The following ASCC3 variants were observed in gnomAD, a reference collection of about 807,000 sequenced individuals.
The protein encoded by ASCC3 is ASC-1 complex subunit P200.
In ASCC3, 158 loss-of-function variants were observed where a neutral mutation model predicts 256.3. The ratio of observed to expected loss-of-function variants is 0.62; its 90% CI spans 0.54 to 0.70. The LOEUF is 0.70. ASCC3 is among the 30% of genes least tolerant of loss of function. The pLI, the probability that ASCC3 is intolerant of heterozygous loss-of-function variation, is 0.00. For missense variants in ASCC3, 2,259 were observed against 2,626.0 expected (o/e 0.86, Z 3.05); for synonymous variants, 948 against 883.4 (o/e 1.07, Z -1.30).
rs74708587 is a variant in ASCC3, at chr6:100,813,226, C to T, written c.802-7346G>A. Among the ~76,000 whole-genome samples, 1,936 of 152,104 alleles carry T rather than the reference C, an allele frequency of 0.013. 100 individuals carry two copies. In the East Asian group the frequency reaches 0.15, roughly 12 times the overall value. On this transcript the variant is annotated intron_variant, in intron 4 of 41. Coordinates refer to ENST00000369162, the MANE Select transcript of ASCC3 (RefSeq NM_006828.4). ...ATCCCAGCACTTTGGGAGGCCGAAG[C>T]GGGAGGACTACCTGAGTTCAGCAGT...
chr6:100,662,081 T>A (rs1380672940), intron 15 of ASCC3, 51 bp from the exon 16 acceptor site: 1 of 1,531,982 alleles, frequency 6.5e-7, no homozygotes, highest in South Asian at 1.1e-5. Flanking sequence ...ACAAATATAA[T>A]CCTGATGAAC....
intron 4 of ASCC3, among the ~76,000 whole-genome samples, chr6:100,843,381 C>A (rs1351674307): frequency 6.6e-6 from 1 of 152,098 alleles, no homozygotes; most frequent in Admixed American, 6.6e-5. Context: ...AGAGATAATA[C>A]TAACGGCAAA....
intron 37 of ASCC3, among the ~76,000 whole-genome samples, chr6:100,526,994 A>G (rs1774608728): frequency 6.6e-6 from 1 of 152,220 alleles, no homozygotes; most frequent in Admixed American, 6.5e-5. Flanking sequence ...CAAACAAAAA[A>G]TCTCTTTTTC....
chr6:100,514,612 A>C (rs1243812810), intron 39 of ASCC3, among the ~76,000 whole-genome samples: 1 of 149,406 alleles, frequency 6.7e-6, no homozygotes, highest in Non-Finnish European at 1.5e-5. Flanking sequence ...TTTATTGGAT[A>C]TATATATATA....
At chr6:100,671,520 G>T (rs1443042015) in intron 14 of ASCC3, among the ~76,000 whole-genome samples, 3 of 152,020 alleles carry the variant, frequency 2.0e-5, no homozygotes, top group Non-Finnish European at 4.4e-5. Flanking sequence ...AAAGGTAAAG[G>T]AAGTAAGGTA....
chr6:100,723,487 T>C (rs1437345688), intron 11 of ASCC3, among the ~76,000 whole-genome samples: 2 of 151,756 alleles, frequency 1.3e-5, no homozygotes, highest in Non-Finnish European at 2.9e-5. Context: ...CATTAATCCA[T>C]CTAGAATTTT....
At chr6:100,844,642 G>T (rs1772304881) in intron 4 of ASCC3, among the ~76,000 whole-genome samples, 1 of 152,088 alleles carries the variant, frequency 6.6e-6, no homozygotes, top group Non-Finnish European at 1.5e-5. Context: ...GAACCTTAAA[G>T]ATTTCTAGCC....
intron 14 of ASCC3, among the ~76,000 whole-genome samples, chr6:100,667,986 C>T (rs1776566662): frequency 6.6e-6 from 1 of 151,784 alleles, no homozygotes; most frequent in South Asian, 2.1e-4. Flanking sequence ...AGAAAAAAAT[C>T]AAACAAAAAT....
chr6:100,770,793 C>G (rs1781881710), intron 8 of ASCC3, among the ~76,000 whole-genome samples: 1 of 150,334 alleles, frequency 6.7e-6, no homozygotes, highest in Non-Finnish European at 1.5e-5. Flanking sequence ...GACCTGTACA[C>G]TGAAAAATAT....
In ASCC3 at chr6:100,638,618, T is replaced by G; in HGVS notation, c.4105A>C (p.Lys1369Gln). 6.2e-7 allele frequency: 1 copy of G among 1,612,248 alleles called. No individual in the cohort carries two copies. The highest frequency in any genetic ancestry group is 1.1e-5 in the South Asian group (1 of 91,030). ...CAACAGACCTTTGAAGTAGGGTATT[T>G]GTTGAAGACTCTGAAAATGGCTAAT... ...AELAIFRVFNKYPTSKAVYIA... is the reference protein window; with the variant it reads ...AELAIFRVFNQYPTSKAVYIA... Residue 1369 changes from lysine (K) to glutamine (Q), a missense_variant, in exon 25 of 42, where the codon AAA becomes CAA. Transcript: ENST00000369162.
At position 100,521,239 on chromosome 6, in the gene ASCC3, G is replaced by T. The variant is rs555958695; in HGVS notation, c.5776-3097C>A. On this transcript the variant is annotated intron_variant, in intron 37 of 41. Coordinates refer to ENST00000369162, the MANE Select transcript of ASCC3 (RefSeq NM_006828.4). ...AACTTTACTTAATAATGGCTCTGAC[G>T]TATAAGAGTAGTGATGCTGGTAATT... Among the ~76,000 whole-genome samples, 35 of 152,014 alleles carry T rather than the reference G, an allele frequency of 2.3e-4. No homozygotes were observed. The South Asian group carries it at 6.6e-3, about 29-fold the overall frequency.
chr6:100,553,624 A>T (rs1238091675), intron 36 of ASCC3, among the ~76,000 whole-genome samples: 2 of 152,068 alleles, frequency 1.3e-5, no homozygotes, highest in African/African-American at 2.4e-5. Flanking sequence ...TCCCCTGCAA[A>T]TGTTAAATGA....
intron 30 of ASCC3, among the ~76,000 whole-genome samples, chr6:100,620,699 T>C (rs1288878374): frequency 1.3e-5 from 2 of 152,152 alleles, no homozygotes; most frequent in African/African-American, 2.4e-5. Context: ...TTCCTCTGAA[T>C]GCTCAAGTTG....
rs1772473959 is a variant in ASCC3 at position 100,848,144 on chromosome 6, A to G, written c.801+4T>C. On this transcript the variant is annotated splice_donor_region_variant and intron_variant, in intron 4 of 41. Coordinates refer to ENST00000369162, the MANE Select transcript of ASCC3 (RefSeq NM_006828.4). ...TATAAAAAAATAAATCATTTCAACT[A>G]TACCTCATCCTGAAGTTCATCACCA... The G allele has an allele frequency of 1.9e-6, 3 of 1,580,322 alleles. No homozygotes were observed. Among genetic ancestry groups the G allele is most frequent in the East Asian group, 2.2e-5 (1 of 44,628 alleles).
chr6:100,777,809 T>C (rs1260383368), intron 8 of ASCC3, among the ~76,000 whole-genome samples: 1 of 152,084 alleles, frequency 6.6e-6, no homozygotes, highest in Non-Finnish European at 1.5e-5. Context: ...ACAGGAATTG[T>C]AGGTAGGTCA....
intron 14 of ASCC3, among the ~76,000 whole-genome samples, chr6:100,669,325 C>CTA (rs535657018): frequency 0.023 from 3,475 of 148,892 alleles, 105 homozygotes; most frequent in African/African-American, 0.074. Flanking sequence ...CATATATACA[C>CTA]TATATATATA....
intron 10 of ASCC3, among the ~76,000 whole-genome samples, chr6:100,743,691 AT>A (rs1191633166): frequency 6.6e-6 from 1 of 152,222 alleles, no homozygotes; most frequent in East Asian, 1.9e-4. Context: ...AATATACTAT[AT>A]CTGATATATT....
At chr6:100,692,237 C>T (rs899779953) in intron 13 of ASCC3, among the ~76,000 whole-genome samples, 1 of 151,984 alleles carries the variant, frequency 6.6e-6, no homozygotes, top group Non-Finnish European at 1.5e-5. Flanking sequence ...TAAACATCAC[C>T]AGTTCTCAAT....
intron 8 of ASCC3, among the ~76,000 whole-genome samples, chr6:100,776,821 T>C (rs1782214326): frequency 6.6e-6 from 1 of 152,062 alleles, no homozygotes; most frequent in African/African-American, 2.4e-5. Flanking sequence ...CAAACTAGTG[T>C]AAATATCATA....
Sources: gnomAD v4.1 joint callset for allele counts (sites outside exome capture counted in the v4.1 genomes callset) on GRCh38, gnomAD v4.1.1 for gene constraint, MANE v1.5 for transcripts, NCBI Gene and HGNC (gene_info 2026-07-23, HGNC 2026-07-21) for gene names.